The following ERC2 variants were observed in gnomAD, a reference collection of about 807,000 sequenced individuals.
ERC2 encodes the protein ELKS/RAB6-interacting/CAST family member 2, also known as ERC protein 2.
Under a neutral mutation model 114.8 loss-of-function variants are expected in ERC2, and 42 were observed. The observed-to-expected ratio is 0.37, with a 90% confidence interval of 0.29 to 0.47. ERC2 has a LOEUF of 0.47. ERC2 is among the 20% of genes least tolerant of loss of function. ERC2 has a pLI of 0.99. For synonymous variants in ERC2, 454 were observed against 425.5 expected (o/e 1.07, Z -0.82); for missense variants, 939 against 1,150.7 (o/e 0.82, Z 2.66).
intron 14 of ERC2, among the ~76,000 whole-genome samples, chr3:55,857,040 T>G (rs1457258546): frequency 3.3e-5 from 5 of 151,498 alleles, no homozygotes; most frequent in Admixed American, 6.6e-5. Context: ...AATTGCTTAA[T>G]GAGTATGAGT....
At chr3:56,201,398 T>G (rs1313282523) in intron 3 of ERC2, among the ~76,000 whole-genome samples, 1 of 152,230 alleles carries the variant, frequency 6.6e-6, no homozygotes, top group Non-Finnish European at 1.5e-5. Flanking sequence ...TTCACTCTTC[T>G]CAGAAGAACT....
At chr3:55,882,381 T>A (rs1376011373) in intron 14 of ERC2, among the ~76,000 whole-genome samples, 1 of 152,194 alleles carries the variant, frequency 6.6e-6, no homozygotes, top group Admixed American at 6.5e-5. Context: ...TCTTTATAAA[T>A]TACCTAGCTT....
chr3:55,583,523 C>T (rs866840743), intron 17 of ERC2, among the ~76,000 whole-genome samples: 373 of 36,812 alleles, frequency 0.01, 18 homozygotes, highest in South Asian at 0.044. Context: ...CTCCCTCCCT[C>T]CCTTCCTTCC....
chr3:56,350,589 A>G (rs1352851526), intron 2 of ERC2, among the ~76,000 whole-genome samples: 2 of 152,202 alleles, frequency 1.3e-5, no homozygotes, highest in Non-Finnish European at 2.9e-5. Context: ...TGCTCATGGT[A>G]GAGACACCAA....
At chr3:55,648,138 G>C (rs574713994) in intron 17 of ERC2, among the ~76,000 whole-genome samples, 2 of 152,156 alleles carry the variant, frequency 1.3e-5, no homozygotes, top group Non-Finnish European at 2.9e-5. Flanking sequence ...TCCCTCACTC[G>C]TTCCTTCATT....
chr3:56,153,304 G>A (rs751801931), intron 4 of ERC2, among the ~76,000 whole-genome samples: 1 of 152,114 alleles, frequency 6.6e-6, no homozygotes, highest in Non-Finnish European at 1.5e-5. Context: ...GCTACTCAAA[G>A]TGTGGTCACA....
intron 3 of ERC2, among the ~76,000 whole-genome samples, chr3:56,255,852 G>A (rs894735017): frequency 6.6e-6 from 1 of 152,222 alleles, no homozygotes; most frequent in African/African-American, 2.4e-5. Flanking sequence ...CGGACCAGCA[G>A]CATGAATGTC....
At chr3:55,779,862 T>C (rs1374295395) in intron 14 of ERC2, among the ~76,000 whole-genome samples, 1 of 152,018 alleles carries the variant, frequency 6.6e-6, no homozygotes, top group Non-Finnish European at 1.5e-5. Flanking sequence ...CGGCAAATTA[T>C]CTTACAGTGT....
intron 2 of ERC2, among the ~76,000 whole-genome samples, chr3:56,416,659 TA>T (rs35915351): frequency 0.013 from 1,381 of 104,274 alleles, 15 homozygotes; most frequent in African/African-American, 0.03. Context: ...AAAACATGAT[TA>T]AAAAAAAAAA....
intron 3 of ERC2, among the ~76,000 whole-genome samples, chr3:56,243,214 A>C (rs2051441586): frequency 6.6e-6 from 1 of 152,156 alleles, no homozygotes; most frequent in Non-Finnish European, 1.5e-5. Context: ...GTCATTTCCC[A>C]GACATCTGTT....
chr3:55,886,385 T>C (rs1182911311), intron 14 of ERC2, among the ~76,000 whole-genome samples: 2 of 152,242 alleles, frequency 1.3e-5, no homozygotes, highest in Non-Finnish European at 2.9e-5. Flanking sequence ...TGGAAGCATA[T>C]GCAATTCCAA....
chr3:55,552,401 CCTT>C (rs1383934033), intron 17 of ERC2, among the ~76,000 whole-genome samples: 1 of 152,158 alleles, frequency 6.6e-6, no homozygotes, highest in Non-Finnish European at 1.5e-5. Context: ...GCTTTCTCCT[CCTT>C]CTCTTTTCCC....
chr3:56,347,248 G>A (rs897696379), intron 2 of ERC2, among the ~76,000 whole-genome samples: 11 of 152,084 alleles, frequency 7.2e-5, no homozygotes, highest in Admixed American at 1.3e-4. Context: ...CATGGTAGTC[G>A]AAACAACACT....
chr3:56,139,474 T>C, intron 6 of ERC2, 35 bp downstream of exon 6: 1 of 1,585,774 alleles, frequency 6.3e-7, no homozygotes. Context: ...CAATTCAATG[T>C]CTCTGCTGTC....
chr3:56,068,938 G>A (rs2076603126), intron 7 of ERC2, among the ~76,000 whole-genome samples: 1 of 152,226 alleles, frequency 6.6e-6, no homozygotes, highest in South Asian at 2.1e-4. Flanking sequence ...TGCATTTGCT[G>A]AGGAGTGTTT....
At chr3:55,680,092 A>T (rs2061988071) in intron 17 of ERC2, among the ~76,000 whole-genome samples, 1 of 152,210 alleles carries the variant, frequency 6.6e-6, no homozygotes, top group Non-Finnish European at 1.5e-5. Context: ...TCACCATAAC[A>T]TTGTCCATGA....
intron 14 of ERC2, among the ~76,000 whole-genome samples, chr3:55,838,190 G>T (rs1181366278): frequency 6.6e-6 from 1 of 151,948 alleles, no homozygotes; most frequent in East Asian, 1.9e-4. Flanking sequence ...GAAGATCTGT[G>T]CATTATTAAC....
At chr3:56,117,584 G>A (rs2079308715) in intron 6 of ERC2, among the ~76,000 whole-genome samples, 1 of 152,188 alleles carries the variant, frequency 6.6e-6, no homozygotes, top group African/African-American at 2.4e-5. Context: ...TGTAAATCAG[G>A]ATAAGAGGAC....
intron 5 of ERC2, among the ~76,000 whole-genome samples, chr3:56,141,873 A>G (rs1441551055): frequency 6.6e-6 from 1 of 152,120 alleles, no homozygotes; most frequent in Non-Finnish European, 1.5e-5. Flanking sequence ...ATTTATGTTT[A>G]TGACTGAGAC....
Sources: gnomAD v4.1 joint callset for allele counts (sites outside exome capture counted in the v4.1 genomes callset) on GRCh38, gnomAD v4.1.1 for gene constraint, MANE v1.5 for transcripts, NCBI Gene and HGNC (gene_info 2026-07-23, HGNC 2026-07-21) for gene names.